POFUT3: variants seen among roughly 807,000 people sequenced by gnomAD.
POFUT3 encodes the protein protein O-fucosyltransferase 3, also known as GDP-fucose protein O-fucosyltransferase 3.
chr8:33,451,417 CAT>C, the POFUT3 span, among the ~76,000 whole-genome samples: 61 of 151,618 alleles, frequency 4.0e-4, no homozygotes, highest in Non-Finnish European at 1.5e-4. Flanking sequence ...TACATGTATA[CAT>C]GTGTGTATAT....
chr8:33,391,570 A>T, the POFUT3 span, among the ~76,000 whole-genome samples: 1 of 152,220 alleles, frequency 6.6e-6, no homozygotes, highest in Non-Finnish European at 1.5e-5. Context: ...ACTGCATTGA[A>T]GTACAACAGC....
At chr8:33,438,693 T>C in the POFUT3 span, among the ~76,000 whole-genome samples, 2 of 152,120 alleles carry the variant, frequency 1.3e-5, no homozygotes, top group South Asian at 2.1e-4. Context: ...TACACATGGC[T>C]GGGGAGGCCT....
the POFUT3 span, among the ~76,000 whole-genome samples, chr8:33,449,327 T>C: frequency 2.6e-4 from 31 of 117,592 alleles, no homozygotes; most frequent in African/African-American, 8.0e-4. Context: ...TCTCACTCTG[T>C]CACCCAGGCT....
the POFUT3 span, among the ~76,000 whole-genome samples, chr8:33,471,546 G>A: frequency 6.6e-6 from 1 of 152,058 alleles, no homozygotes; most frequent in Non-Finnish European, 1.5e-5. Context: ...CACCGCGCCC[G>A]GCCGGCCTAC....
At chr8:33,308,297 C>T in the POFUT3 span, among the ~76,000 whole-genome samples, 2 of 152,250 alleles carry the variant, frequency 1.3e-5, no homozygotes, top group Middle Eastern at 6.8e-3. Context: ...AAAATTGAAT[C>T]ATAAAAATTA....
At chr8:33,310,434 G>A in the POFUT3 span, among the ~76,000 whole-genome samples, 14 of 152,098 alleles carry the variant, frequency 9.2e-5, no homozygotes, top group African/African-American at 7.2e-5. Flanking sequence ...ATCCCCAGCC[G>A]GGCTCAGTGA....
chr8:33,473,134 G>A, the POFUT3 span: 8 of 152,282 alleles, frequency 5.3e-5, no homozygotes, highest in African/African-American at 1.4e-4. Context: ...CCAAGCCTGG[G>A]CGCCGGGAAG....
chr8:33,330,729 T>C, the POFUT3 span, among the ~76,000 whole-genome samples: 1 of 152,180 alleles, frequency 6.6e-6, no homozygotes, highest in African/African-American at 2.4e-5. Context: ...ATCATTGTTG[T>C]TGCCTTTGGC....
chr8:33,362,825 G>T, the POFUT3 span, among the ~76,000 whole-genome samples: 1 of 152,144 alleles, frequency 6.6e-6, no homozygotes, highest in Non-Finnish European at 1.5e-5. Flanking sequence ...AATAATGGGA[G>T]AGTGTAACAC....
the POFUT3 span, among the ~76,000 whole-genome samples, chr8:33,423,789 AG>A: frequency 7.8e-6 from 1 of 128,540 alleles, no homozygotes. Context: ...ATAACTGAGA[AG>A]GGTCTATTTC....
chr8:33,356,515 G>A, the POFUT3 span, among the ~76,000 whole-genome samples: 1 of 151,932 alleles, frequency 6.6e-6, no homozygotes, highest in Non-Finnish European at 1.5e-5. Flanking sequence ...TTTTTGATGG[G>A]GTTGTTTTTT....
At chr8:33,461,779 T>C in the POFUT3 span, 1 of 638,860 alleles carries the variant, frequency 1.6e-6, no homozygotes, top group Non-Finnish European at 2.3e-6. Context: ...AATATAGTCT[T>C]GCAGCAGGGT....
chr8:33,365,383 G>A, the POFUT3 span, among the ~76,000 whole-genome samples: 2 of 152,102 alleles, frequency 1.3e-5, no homozygotes, highest in African/African-American at 4.8e-5. Flanking sequence ...TAAAAGCAAT[G>A]GCAACAAAAG....
At chr8:33,444,425 G>A in the POFUT3 span, among the ~76,000 whole-genome samples, 7 of 152,224 alleles carry the variant, frequency 4.6e-5, no homozygotes, top group Non-Finnish European at 8.8e-5. Context: ...GTGTGTGCTC[G>A]CAGGCTACCA....
chr8:33,447,466 A>T, the POFUT3 span, among the ~76,000 whole-genome samples: 3 of 143,730 alleles, frequency 2.1e-5, no homozygotes, highest in Admixed American at 6.9e-5. Flanking sequence ...AAAAAAAAAA[A>T]CTTTATTCTT....
chr8:33,353,150 A>C, the POFUT3 span, among the ~76,000 whole-genome samples: 1 of 152,238 alleles, frequency 6.6e-6, no homozygotes, highest in African/African-American at 2.4e-5. Context: ...TATTCTGGTT[A>C]ATACATGAAT....
chr8:33,360,591 A>G, the POFUT3 span, among the ~76,000 whole-genome samples: 1 of 152,192 alleles, frequency 6.6e-6, no homozygotes, highest in Non-Finnish European at 1.5e-5. Context: ...CTATAGCTCA[A>G]GTGACCACAC....
At chr8:33,396,582 T>C in the POFUT3 span, among the ~76,000 whole-genome samples, 3 of 152,176 alleles carry the variant, frequency 2.0e-5, no homozygotes, top group African/African-American at 7.2e-5. Flanking sequence ...CTGGTGATAA[T>C]GTAAAAGAAA....
At chr8:33,438,386 T>A in the POFUT3 span, among the ~76,000 whole-genome samples, 16 of 152,150 alleles carry the variant, frequency 1.1e-4, no homozygotes, top group Non-Finnish European at 1.3e-4. Flanking sequence ...AAGACCAACC[T>A]GGGCAACATA....
Sources: allele counts gnomAD v4.1 joint callset (sites outside exome capture counted in the v4.1 genomes callset), GRCh38; gene constraint gnomAD v4.1.1; transcripts MANE v1.5; gene names NCBI Gene and HGNC (gene_info 2026-07-23, HGNC 2026-07-21).